The following PLXDC2 variants were observed in gnomAD, a reference collection of about 807,000 sequenced individuals.
PLXDC2 encodes the protein plexin domain containing 2, also known as plexin domain-containing protein 2.
Under a neutral mutation model 68.9 loss-of-function variants are expected in PLXDC2, and 40 were observed. The observed-to-expected ratio is 0.58, with a 90% CI of 0.45 to 0.76. PLXDC2 has a LOEUF of 0.76. PLXDC2 is among the 30% of genes least tolerant of loss of function. The probability of loss-of-function intolerance (pLI) is 0.00; values close to 1 mark genes in which losing one functional copy is unlikely to be tolerated. For missense variants in PLXDC2, 644 were observed against 661.9 expected (o/e 0.97, Z 0.30); for synonymous variants, 243 against 234.2 (o/e 1.04, Z -0.34).
chr10:20,202,980 G>C (rs1418460861), intron 9 of PLXDC2, among the ~76,000 whole-genome samples: 1 of 151,976 alleles, frequency 6.6e-6, no homozygotes, highest in East Asian at 1.9e-4. Flanking sequence ...GCACAAATGA[G>C]GACATTTTGC....
intron 7 of PLXDC2, among the ~76,000 whole-genome samples, chr10:20,171,428 C>G (rs77309717): frequency 0.093 from 14,194 of 152,220 alleles, 850 homozygotes; most frequent in Non-Finnish European, 0.14. Context: ...CAAGTATACA[C>G]TAGCTCACCA....
intron 4 of PLXDC2, among the ~76,000 whole-genome samples, chr10:20,089,690 A>G (rs760045595): frequency 6.6e-6 from 1 of 152,196 alleles, no homozygotes; most frequent in Non-Finnish European, 1.5e-5. Flanking sequence ...ATTAAAAAAC[A>G]GTGGTGCGTA....
chr10:20,187,004 C>T (rs1238319228), intron 9 of PLXDC2, among the ~76,000 whole-genome samples: 7 of 151,756 alleles, frequency 4.6e-5, no homozygotes, highest in African/African-American at 1.5e-4. Context: ...AGGAGGTACT[C>T]AGCTGCCGGG....
At chr10:20,139,418 A>G (rs1440532233) in intron 4 of PLXDC2, among the ~76,000 whole-genome samples, 1 of 152,264 alleles carries the variant, frequency 6.6e-6, no homozygotes, top group Non-Finnish European at 1.5e-5. Flanking sequence ...AGTGCTATTT[A>G]TAGTAGAATC....
intron 10 of PLXDC2, among the ~76,000 whole-genome samples, chr10:20,217,114 T>C (rs1588523345): frequency 6.6e-6 from 1 of 152,212 alleles, no homozygotes; most frequent in Non-Finnish European, 1.5e-5. Context: ...CTTTTGACAG[T>C]GTGTCTTTTA....
At chr10:20,026,488 C>A (rs989758211) in intron 2 of PLXDC2, among the ~76,000 whole-genome samples, 1 of 152,126 alleles carries the variant, frequency 6.6e-6, no homozygotes, top group Non-Finnish European at 1.5e-5. Context: ...GAAGTGGTAT[C>A]TTTTCAGGAA....
chr10:20,143,544 G>T, intron 5 of PLXDC2, 127 bp downstream of exon 5: 1 of 1,150,922 alleles, frequency 8.7e-7, no homozygotes, highest in Non-Finnish European at 1.2e-6. Flanking sequence ...AATGGTCTGA[G>T]AGGACAAATA....
intron 1 of PLXDC2, among the ~76,000 whole-genome samples, chr10:19,987,563 T>C (rs1271776002): frequency 5.8e-5 from 1 of 17,218 alleles, no homozygotes; most frequent in Non-Finnish European, 1.2e-4. Context: ...TTTTGTTTTG[T>C]TTTTTTTTCT....
chr10:20,257,787 C>A lies in PLXDC2; in HGVS notation c.1473+12282C>A, dbSNP rs934711494. On this transcript the variant is annotated intron_variant, in intron 13 of 13. Transcript: ENST00000377252. ...GCTATTCTTTACTTTCCCTTATGTC[C>A]TTTTCACAAATTTCTTTTTTAATTT... 3.3e-5 allele frequency among the ~76,000 whole-genome samples: 5 copies of A among 152,100 alleles called. No homozygotes were observed. In the East Asian group the frequency reaches 7.7e-4, roughly 23 times the overall value.
chr10:19,918,372 TGAC>T (rs1366609683), intron 1 of PLXDC2, among the ~76,000 whole-genome samples: 1 of 152,092 alleles, frequency 6.6e-6, no homozygotes, highest in Non-Finnish European at 1.5e-5. Flanking sequence ...TAAGCCTAAG[TGAC>T]GAGAAGAACA....
In PLXDC2 at chr10:20,283,142, A is replaced by G. The variant is rs1294411167; in HGVS notation, c.*3323A>G. Reference sequence around the variant, plus strand: ...GAAAAGGGAAGAAGAGGAAAGAAACAAGATTTGGTAGCTCTTGGGCATATC... The same window carrying G: ...GAAAAGGGAAGAAGAGGAAAGAAACGAGATTTGGTAGCTCTTGGGCATATC... On this transcript the variant is annotated 3_prime_UTR_variant, in exon 14 of 14. Transcript: ENST00000377252. 6.6e-6 allele frequency: 1 copy of G among 152,138 alleles called. No individual in the cohort carries two copies. The highest frequency in any genetic ancestry group is 1.5e-5 in the Non-Finnish European group (1 of 68,028). The allele number at this position is 152,138 out of a possible 1,614,324, so 9.4% of individuals were successfully genotyped here.
At chr10:20,257,125 T>C (rs1485830177) in intron 13 of PLXDC2, among the ~76,000 whole-genome samples, 3 of 152,112 alleles carry the variant, frequency 2.0e-5, no homozygotes, top group Non-Finnish European at 2.9e-5. Context: ...TACCAACTCA[T>C]TGTAAAGACT....
chr10:20,151,825 C>T (rs774666525), intron 6 of PLXDC2, among the ~76,000 whole-genome samples: 2 of 151,954 alleles, frequency 1.3e-5, no homozygotes, highest in Non-Finnish European at 2.9e-5. Context: ...TAGGGAAGTA[C>T]GTGTAATTCT....
chr10:20,140,848 GT>G (rs1227857138), intron 4 of PLXDC2, among the ~76,000 whole-genome samples: 1 of 151,654 alleles, frequency 6.6e-6, no homozygotes, highest in Non-Finnish European at 1.5e-5. Context: ...GAGTAGTAGG[GT>G]TTTTTTCCTT....
chr10:19,884,531 G>C (rs1474644600), intron 1 of PLXDC2, among the ~76,000 whole-genome samples: 2 of 135,750 alleles, frequency 1.5e-5, no homozygotes, highest in Admixed American at 8.6e-5. Flanking sequence ...ATTCCCCAGA[G>C]TGTGATGTTC....
chr10:20,187,949 A>T (rs1301739939), intron 9 of PLXDC2, among the ~76,000 whole-genome samples: 1 of 151,844 alleles, frequency 6.6e-6, no homozygotes, highest in Non-Finnish European at 1.5e-5. Flanking sequence ...CCATCATATC[A>T]GCCATTTCAA....
intron 7 of PLXDC2, among the ~76,000 whole-genome samples, chr10:20,166,461 G>C (rs1214759740): frequency 6.6e-6 from 1 of 152,124 alleles, no homozygotes; most frequent in Non-Finnish European, 1.5e-5. Flanking sequence ...TCCTGACAGA[G>C]CTCTTAAATA....
chr10:20,259,658 G>T (rs979718309), intron 13 of PLXDC2, among the ~76,000 whole-genome samples: 39 of 152,184 alleles, frequency 2.6e-4, no homozygotes, highest in African/African-American at 9.4e-4. Flanking sequence ...CTGGAAACAA[G>T]AAAAACACAA....
At chr10:20,276,066 A>C (rs925152163) in intron 13 of PLXDC2, among the ~76,000 whole-genome samples, 1 of 152,104 alleles carries the variant, frequency 6.6e-6, no homozygotes, top group Non-Finnish European at 1.5e-5. Context: ...GCCTCTTTCT[A>C]TTCCCTCACT....
Sources: allele counts gnomAD v4.1 joint callset (sites outside exome capture counted in the v4.1 genomes callset), GRCh38; gene constraint gnomAD v4.1.1; transcripts MANE v1.5; gene names NCBI Gene and HGNC (gene_info 2026-07-23, HGNC 2026-07-21).